Variants in ATF3 observed in about 807,000 individuals in gnomAD.
ATF3 encodes activating transcription factor 3, also known as cyclic AMP-dependent transcription factor ATF-3.
ATF3 carries 10 observed loss-of-function variants against 18.4 expected under a neutral mutation model. The observed-to-expected ratio is 0.54, with a 90% CI of 0.34 to 0.92. The LOEUF (loss-of-function observed/expected upper bound fraction) is 0.92, where lower values mean the gene tolerates loss of function less well. Among genes scored for constraint, ATF3 ranks in the 40% least tolerant of loss-of-function variants. The pLI is 0.02. For synonymous variants in ATF3, 78 were observed against 87.9 expected, an observed-to-expected ratio of 0.89 and a Z score of 0.63; for missense variants, 183 against 222.3, an observed-to-expected ratio of 0.82 and a Z score of 1.12.
At chr1:212,616,062 G>A (rs1384619898) in intron 2 of ATF3, among the ~76,000 whole-genome samples, 1 of 152,060 alleles carries the variant, frequency 6.6e-6, no homozygotes. Flanking sequence ...AAGAAGCCAC[G>A]TGGGTATCTG....
At chr1:212,608,377 G>C (rs1408470647), upstream of ATF3, among the ~76,000 whole-genome samples, 2 of 151,992 alleles carry the variant, frequency 1.3e-5, no homozygotes, top group African/African-American at 4.8e-5. Context: ...ATGCCAGCGC[G>C]GTGGAGTCAT....
intron 1 of ATF3, among the ~76,000 whole-genome samples, chr1:212,602,833 G>A (rs566406317): frequency 6.6e-6 from 1 of 152,302 alleles, no homozygotes; most frequent in Admixed American, 6.5e-5. Flanking sequence ...TTTGGCAGCC[G>A]ATGCTAGACC....
intron 1 of ATF3, among the ~76,000 whole-genome samples, chr1:212,574,203 CTTTCATAT>C (rs1664532368): frequency 6.6e-6 from 1 of 151,838 alleles, no homozygotes; most frequent in South Asian, 2.1e-4. Context: ...TTTAGTACAA[CTTTCATAT>C]TTTCATATTT....
intron 1 of ATF3, among the ~76,000 whole-genome samples, chr1:212,603,293 T>C (rs1451594600): frequency 6.6e-6 from 1 of 152,192 alleles, no homozygotes; most frequent in Non-Finnish European, 1.5e-5. Context: ...AGACTACATT[T>C]TCTGCTTCAA....
intron 2 of ATF3, 145 bp from the exon 3 acceptor site, chr1:212,617,982 A>C: frequency 1.4e-6 from 1 of 722,228 alleles, no homozygotes; most frequent in Admixed American, 2.5e-5. Context: ...TTTTCACACA[A>C]AAGTCTAGAG....
chr1:212,596,755 ACAGT>A (rs1033517430), intron 1 of ATF3, among the ~76,000 whole-genome samples: 1 of 152,280 alleles, frequency 6.6e-6, no homozygotes, highest in African/African-American at 2.4e-5. Flanking sequence ...GAGCTAGTTA[ACAGT>A]CAGTGTTTTG....
At chr1:212,607,531 C>T (rs1456846092), upstream of ATF3, among the ~76,000 whole-genome samples, 2 of 152,244 alleles carry the variant, frequency 1.3e-5, no homozygotes, top group Non-Finnish European at 2.9e-5. Flanking sequence ...GCTCGAATCT[C>T]GGACCACGGG....
chr1:212,581,756 A>G (rs1368735371), intron 1 of ATF3, among the ~76,000 whole-genome samples: 4 of 152,214 alleles, frequency 2.6e-5, no homozygotes, highest in Non-Finnish European at 5.9e-5. Context: ...TACATGTGAA[A>G]TATCTTACAC....
chr1:212,605,178 ATTG>A (rs1654585620), upstream of ATF3, among the ~76,000 whole-genome samples: 1 of 152,220 alleles, frequency 6.6e-6, no homozygotes, highest in Non-Finnish European at 1.5e-5. Context: ...ATTAGGTGCT[ATTG>A]TTAGTGCCAT....
At chr1:212,597,311 G>A (rs1052766719) in intron 1 of ATF3, among the ~76,000 whole-genome samples, 5 of 152,062 alleles carry the variant, frequency 3.3e-5, no homozygotes, top group Admixed American at 6.5e-5. Context: ...TAGACACAGC[G>A]CTTATAATCA....
rs1654499789 is a variant in ATF3 at position 212,602,183 on chromosome 1, T to A, written c.-4-12835T>A. On this transcript the variant is annotated intron_variant, in intron 1 of 3. Coordinates refer to the ATF3 transcript ENST00000366981. ...CAGGTTCTTTCTGCCATCCCTGGCTTCTACCCTACACCATCCCCTTTTCAG... is the reference window on the plus strand; with the variant it reads ...CAGGTTCTTTCTGCCATCCCTGGCTACTACCCTACACCATCCCCTTTTCAG... 2.0e-5 allele frequency among the ~76,000 whole-genome samples: 3 copies of A among 152,188 alleles called. No homozygotes were observed. In the South Asian group the frequency reaches 6.2e-4, roughly 32 times the overall value.
intron 1 of ATF3, among the ~76,000 whole-genome samples, chr1:212,601,481 T>C (rs1208875532): frequency 6.6e-6 from 1 of 152,212 alleles, no homozygotes; most frequent in African/African-American, 2.4e-5. Context: ...CTCTAAGATT[T>C]TGAGGACAGT....
chr1:212,604,066 A>G (rs1045899166), upstream of ATF3, among the ~76,000 whole-genome samples: 1 of 152,246 alleles, frequency 6.6e-6, no homozygotes, highest in Non-Finnish European at 1.5e-5. Context: ...AAATTATAGT[A>G]AAACTTTCCC....
chr1:212,605,899 T>TTAACCCCTGAAATCACCC (rs1200379378), upstream of ATF3, among the ~76,000 whole-genome samples: 24 of 152,338 alleles, frequency 1.6e-4, no homozygotes, highest in African/African-American at 5.5e-4. Context: ...TCATTGAGGA[T>TTAACCCCTGAAATCACCC]TAACCCCTGA....
chr1:212,616,270 A>AAC (rs546591079), intron 2 of ATF3, among the ~76,000 whole-genome samples: 1,980 of 150,482 alleles, frequency 0.013, 14 homozygotes, highest in East Asian at 0.021. Flanking sequence ...AACAAGATTC[A>AAC]ACACACACAC....
At chr1:212,609,239 G>A (rs570580729) in intron 1 of ATF3, among the ~76,000 whole-genome samples, 1 of 152,386 alleles carries the variant, frequency 6.6e-6, no homozygotes, top group South Asian at 2.1e-4. Flanking sequence ...TCCGCCGACG[G>A]CGCTGGCTTG....
intron 1 of ATF3, among the ~76,000 whole-genome samples, chr1:212,572,209 C>T (rs1385397402): frequency 6.6e-6 from 1 of 152,088 alleles, no homozygotes; most frequent in African/African-American, 2.4e-5. Context: ...CTCATCATTC[C>T]TTTTCATGTT....
chr1:212,609,320 C>T (rs1004282076), intron 1 of ATF3, among the ~76,000 whole-genome samples: 1 of 151,104 alleles, frequency 6.6e-6, no homozygotes, highest in Non-Finnish European at 1.5e-5. Context: ...CGCTCGCCGT[C>T]CCGCTCCATC....
At position 212,618,545 on chromosome 1, in the gene ATF3, C is replaced by A; in HGVS notation, c.348+311C>A. 2.3e-6 allele frequency: 1 copy of A among 432,788 alleles called. No individual in the cohort carries two copies. Among genetic ancestry groups the A allele is most frequent in the Non-Finnish European group, 4.2e-6 (1 of 236,112 alleles). The allele number at this position is 432,788 out of a possible 1,614,324, so 26.8% of individuals were successfully genotyped here. A position where few individuals can be genotyped will look rare whatever the true frequency, so the allele number is the denominator to read the frequency against. ...GGACATGCCAGCCCAGTTAAAGAGG[C>A]TTCACTTGACTGTTTTCCTGAGAAA... On this transcript the variant is annotated intron_variant, in intron 3 of 3. Coordinates refer to ENST00000341491, the MANE Select transcript of ATF3 (RefSeq NM_001674.4). This position sits in a 1 kb window ranked among gnomAD's most constrained non-coding sequence, Gnocchi z 4.4.
Sources: gnomAD v4.1 joint callset for allele counts (sites outside exome capture counted in the v4.1 genomes callset) on GRCh38, gnomAD v4.1.1 for gene constraint, Gnocchi (gnomAD v3.1) non-coding constraint, MANE v1.5 for transcripts, NCBI Gene and HGNC (gene_info 2026-07-23, HGNC 2026-07-21) for gene names.